Variants in WSCD2 observed in about 807,000 individuals in gnomAD.
WSCD2 encodes the protein sialate:O-sulfotransferase 2.
WSCD2 carries 28 observed loss-of-function variants against 55.7 expected under a neutral mutation model. The observed-to-expected ratio is 0.50, with a 90% CI of 0.37 to 0.69. The LOEUF (loss-of-function observed/expected upper bound fraction) is 0.69. Ranked by LOEUF, WSCD2 falls within the 30% of genes least tolerant of loss-of-function variation. WSCD2 has a pLI of 0.00. For synonymous variants in WSCD2, 301 were observed against 301.9 expected, an observed-to-expected ratio of 1.00 and a Z score of 0.03; for missense variants, 616 against 762.1, an observed-to-expected ratio of 0.81 and a Z score of 2.26.
intron 1 of WSCD2, among the ~76,000 whole-genome samples, chr12:108,165,726 G>T (rs1879537904): frequency 6.6e-6 from 1 of 152,162 alleles, no homozygotes; most frequent in African/African-American, 2.4e-5. Flanking sequence ...CACATTTGCT[G>T]TTTTTCTTGG....
intron 1 of WSCD2, among the ~76,000 whole-genome samples, chr12:108,156,768 G>T (rs1465070030): frequency 6.6e-6 from 1 of 152,150 alleles, no homozygotes; most frequent in Non-Finnish European, 1.5e-5. Context: ...CATTACTGAG[G>T]CTCCTCGCTC....
intron 1 of WSCD2, among the ~76,000 whole-genome samples, chr12:108,182,580 G>A (rs553788786): frequency 6.6e-6 from 1 of 152,340 alleles, no homozygotes; most frequent in South Asian, 2.1e-4. Flanking sequence ...AGAAAAGCAA[G>A]CTGGAGGGGA....
intron 2 of WSCD2, among the ~76,000 whole-genome samples, chr12:108,197,804 G>A (rs1054847316): frequency 4.0e-5 from 6 of 151,628 alleles, no homozygotes; most frequent in African/African-American, 1.5e-4. Context: ...GCCTCCCACA[G>A]TCCAACTCTG....
chr12:108,153,101 T>TCAAACAAACAAA (rs111444949), intron 1 of WSCD2, among the ~76,000 whole-genome samples: 44,014 of 150,606 alleles, frequency 0.29, 6,899 homozygotes, highest in East Asian at 0.58. Context: ...AGACTCTGTC[T>TCAAACAAACAAA]CAAACAAACA....
At chr12:108,242,561 C>A (rs1303880693) in intron 8 of WSCD2, among the ~76,000 whole-genome samples, 7 of 152,102 alleles carry the variant, frequency 4.6e-5, no homozygotes, top group Non-Finnish European at 8.8e-5. Context: ...AACCCCAGTG[C>A]CCAGGCTGCA....
intron 1 of WSCD2, among the ~76,000 whole-genome samples, chr12:108,166,761 T>TTTC (rs10680980): frequency 0.12 from 15,018 of 124,682 alleles, 1,308 homozygotes; most frequent in Non-Finnish European, 0.13. Context: ...TCTTTCTTTC[T>TTTC]TTTCTTTCTT....
chr12:108,141,884 CAAG>C (rs537887042), intron 1 of WSCD2, among the ~76,000 whole-genome samples: 36 of 152,166 alleles, frequency 2.4e-4, no homozygotes, highest in Middle Eastern at 3.4e-3. Context: ...CTGGCCAGAG[CAAG>C]AAGAAGAAAG....
chr12:108,239,650 AC>A (rs1256197597), intron 7 of WSCD2, among the ~76,000 whole-genome samples: 2 of 152,180 alleles, frequency 1.3e-5, no homozygotes, highest in Admixed American at 1.3e-4. Flanking sequence ...CTGACTCCCC[AC>A]AAAGAGCAAT....
At chr12:108,206,649 G>T (rs1885418440) in intron 3 of WSCD2, among the ~76,000 whole-genome samples, 1 of 152,216 alleles carries the variant, frequency 6.6e-6, no homozygotes. Flanking sequence ...TTGTGTCTAG[G>T]AACAATTTTG....
At position 108,240,563 on chromosome 12, in the gene WSCD2, G is replaced by A. The variant is rs1255704644; in HGVS notation, c.1345+19G>A. 6.5e-7 allele frequency: 1 copy of A among 1,547,460 alleles called. No individual in the cohort carries two copies. Among genetic ancestry groups the A allele is most frequent in the East Asian group, 2.3e-5 (1 of 44,192 alleles). On this transcript the variant is annotated intron_variant, in intron 8 of 8. Coordinates refer to ENST00000547525, the MANE Select transcript of WSCD2 (RefSeq NM_014653.4). Reference sequence around the variant, plus strand: ...GGCAAAGGTACAGCTCGGGAGAGGAGGGGAGGGGAGGGGAGGGGCTTCGGG... The same window carrying A: ...GGCAAAGGTACAGCTCGGGAGAGGAAGGGAGGGGAGGGGAGGGGCTTCGGG...
intron 4 of WSCD2, among the ~76,000 whole-genome samples, chr12:108,219,303 G>A (rs1032882711): frequency 2.1e-4 from 32 of 152,196 alleles, no homozygotes; most frequent in African/African-American, 7.5e-4. Flanking sequence ...GACCCACTAT[G>A]TGCAGATGAG....
chr12:108,141,364 T>C (rs1180088866), intron 1 of WSCD2, among the ~76,000 whole-genome samples: 1 of 152,168 alleles, frequency 6.6e-6, no homozygotes, highest in Non-Finnish European at 1.5e-5. Flanking sequence ...GCCTCCTGAG[T>C]AGCTGGGACT....
At chr12:108,190,587 T>C (rs1883039455) in intron 1 of WSCD2, among the ~76,000 whole-genome samples, 1 of 152,078 alleles carries the variant, frequency 6.6e-6, no homozygotes, top group South Asian at 2.1e-4. Flanking sequence ...TATGCCTCTG[T>C]TTTTCTTTCC....
chr12:108,195,949 T>C lies in WSCD2; in HGVS notation c.117T>C (p.Phe39=), dbSNP rs773897108. 4.3e-6 allele frequency: 7 copies of C among 1,614,084 alleles called. No homozygotes were observed. The South Asian group carries it at 6.6e-5, about 15-fold the overall frequency. ...GCCTTGTCTTCCTTCACTCTGGCTTTGTGGGCCAGCCCGCTGTCTCGGGGA... is the reference window on the plus strand; with the variant it reads ...GCCTTGTCTTCCTTCACTCTGGCTTCGTGGGCCAGCCCGCTGTCTCGGGGA... ...AGSLVFLHSG[F]VGQPAVSGNQ... The change falls in exon 2 of 9, where the codon TTT becomes TTC. Residue 39 remains phenylalanine, a synonymous_variant. Transcript: ENST00000547525.
At chr12:108,206,167 G>A (rs951646824) in intron 2 of WSCD2, 122 bp from the exon 3 acceptor site, 2 of 778,796 alleles carry the variant, frequency 2.6e-6, no homozygotes, top group African/African-American at 3.4e-5. Flanking sequence ...TCTGCCCAAA[G>A]GAAGGACTTG....
chr12:108,228,683 G>C (rs933964605), intron 6 of WSCD2, among the ~76,000 whole-genome samples: 1 of 152,242 alleles, frequency 6.6e-6, no homozygotes, highest in Non-Finnish European at 1.5e-5. Flanking sequence ...CCAGAGGAAG[G>C]AGTGGGCACC....
At chr12:108,203,953 T>C (rs1885016506) in intron 2 of WSCD2, among the ~76,000 whole-genome samples, 1 of 152,216 alleles carries the variant, frequency 6.6e-6, no homozygotes, top group African/African-American at 2.4e-5. Flanking sequence ...GCAGATGACA[T>C]AGGTTCCCAT....
intron 1 of WSCD2, among the ~76,000 whole-genome samples, chr12:108,180,351 G>A (rs1881557657): frequency 6.6e-6 from 1 of 152,182 alleles, no homozygotes; most frequent in African/African-American, 2.4e-5. Context: ...TTAGAATAGA[G>A]GTCTTTTCAG....
chr12:108,176,482 G>T (rs1240235586), intron 1 of WSCD2, among the ~76,000 whole-genome samples: 1 of 152,204 alleles, frequency 6.6e-6, no homozygotes, highest in East Asian at 1.9e-4. Context: ...CAGTGCTGTT[G>T]TGTCATCAGT....
Sources: gnomAD v4.1 joint callset for allele counts (sites outside exome capture counted in the v4.1 genomes callset) on GRCh38, gnomAD v4.1.1 for gene constraint, MANE v1.5 for transcripts, NCBI Gene and HGNC (gene_info 2026-07-23, HGNC 2026-07-21) for gene names.